EEF2KMT: variants seen among roughly 807,000 people sequenced by gnomAD.
EEF2KMT encodes the protein eukaryotic elongation factor 2 lysine methyltransferase.
Under a neutral mutation model 35.1 loss-of-function variants are expected in EEF2KMT, and 30 were observed. That is an observed-to-expected ratio of 0.85 (90% CI 0.64 to 1.16). EEF2KMT has a LOEUF of 1.16. Among genes scored for constraint, EEF2KMT ranks in the 50% most tolerant of loss-of-function variants. The pLI is 0.00. For missense variants in EEF2KMT, 499 were observed against 438.2 expected (o/e 1.14, Z -1.24); for synonymous variants, 190 against 187.7 (o/e 1.01, Z -0.10).
At position 5,093,511 on chromosome 16, in the gene EEF2KMT, C is replaced by T. The variant is rs746876434; in HGVS notation, c.213G>A (p.Arg71=). The T allele has an allele frequency of 1.2e-6, 2 of 1,612,024 alleles. No individual in the cohort carries two copies. Among genetic ancestry groups the T allele is most frequent in the South Asian group, 2.2e-5 (2 of 90,994 alleles). ...TTTTGATGAGTTCTGAGAGAAAGCACCGGGCATATTTGACGGACGGCGGGT... is the reference window on the plus strand; with the variant it reads ...TTTTGATGAGTTCTGAGAGAAAGCATCGGGCATATTTGACGGACGGCGGGT... ...VKHPPSVKYA[R]CFLSELIKKH... is the part of the protein sequence containing the mutation. Residue 71 remains arginine (R), a synonymous_variant, in exon 3 of 8, where the codon CGG becomes CGA. Transcript: ENST00000427587.
chr16:5,087,900 G>C (rs945390836), intron 7 of EEF2KMT, among the ~76,000 whole-genome samples: 1 of 145,546 alleles, frequency 6.9e-6, no homozygotes, highest in Non-Finnish European at 1.5e-5. Flanking sequence ...TTTTTTTCAC[G>C]TAAGTATCTG....
rs765196589 is a variant in EEF2KMT at position 5,090,536 on chromosome 16, C to G, written c.372G>C (p.Glu124Asp). ...LPSGGSVTLS[E>D]STAIISYGTT... is the part of the protein sequence containing the mutation. ...TACCGTAGGAGATGATGGCCGTGCT[C>G]TCGGAGAGTGTGACCGAGCCTCCCG... is the stretch of plus-strand genomic sequence containing the variant. Residue 124 changes from glutamate (E) to aspartate (D), a missense_variant, in exon 5 of 8, where the codon GAG (glutamate) becomes GAC (aspartate). Transcript: ENST00000427587. The surrounding 1 kb of genome is among the most constrained non-coding windows in gnomAD (Gnocchi z 4.1). 11 of 1,611,912 alleles carry G rather than the reference C, an allele frequency of 6.8e-6. No homozygotes were observed. The highest frequency in any genetic ancestry group is 4.0e-5 in the African/African-American group (3 of 74,848).
chr16:5,097,583 T>TC (rs1957501030), intron 1 of EEF2KMT, 61 bp downstream of exon 1: 2 of 1,527,360 alleles, frequency 1.3e-6, no homozygotes, highest in Admixed American at 3.9e-5. Flanking sequence ...CGGAGACCCG[T>TC]CCCGTCTGCC....
intron 2 of EEF2KMT, among the ~76,000 whole-genome samples, chr16:5,094,279 C>G (rs1242799238): frequency 6.6e-6 from 1 of 152,136 alleles, no homozygotes; most frequent in Non-Finnish European, 1.5e-5. Flanking sequence ...TTCATTTATT[C>G]TGACACAGAG....
In EEF2KMT at chr16:5,095,557, A is replaced by G. The variant is rs149678667; in HGVS notation, c.97-43T>C. 1.0e-3 allele frequency: 1,660 copies of G among 1,609,996 alleles called. 59 individuals are homozygous for G. In the East Asian group the frequency reaches 0.025, roughly 25 times the overall value. On this transcript the variant is annotated intron_variant, in intron 1 of 7. Transcript: ENST00000427587. ...AGAGAAATCTCAAGGGCGCATTCAC[A>G]GGAACATTAAACACGCAATAGAATG...
At chr16:5,091,717 C>T in intron 4 of EEF2KMT, 77 bp downstream of exon 4, 1 of 1,589,732 alleles carries the variant, frequency 6.3e-7, no homozygotes, top group East Asian at 2.3e-5. Context: ...GGATTTGAAC[C>T]CACACCCACG....
intron 6 of EEF2KMT, 86 bp downstream of exon 6, chr16:5,089,998 G>A (rs1957306112): frequency 1.3e-5 from 21 of 1,572,880 alleles, no homozygotes; most frequent in South Asian, 4.5e-5. Context: ...GCCCGACAGC[G>A]TCCATTGTTC....
intron 1 of EEF2KMT, 178 bp downstream of exon 1, chr16:5,097,466 G>A: frequency 1.4e-6 from 2 of 1,411,120 alleles, no homozygotes; most frequent in Non-Finnish European, 1.9e-6. Flanking sequence ...GGGGCAGGAG[G>A]GGTGCGAGCG....
chr16:5,095,971 C>A (rs893988955), intron 1 of EEF2KMT, among the ~76,000 whole-genome samples: 3 of 152,150 alleles, frequency 2.0e-5, no homozygotes, highest in Admixed American at 6.5e-5. Flanking sequence ...CAGGGCAAGG[C>A]ACTTCATTGC....
intron 7 of EEF2KMT, chr16:5,087,479 T>G (rs896598192): frequency 1.3e-5 from 2 of 152,132 alleles, no homozygotes; most frequent in African/African-American, 4.8e-5. Flanking sequence ...CTCATAACCA[T>G]GTGTGGGTGA....
chr16:5,095,167 A>G (rs1054236327), intron 2 of EEF2KMT, among the ~76,000 whole-genome samples: 5 of 152,236 alleles, frequency 3.3e-5, no homozygotes, highest in Non-Finnish European at 7.3e-5. Context: ...TGCACCTGTC[A>G]TCTCTGTTTT....
In EEF2KMT at chr16:5,097,717, C is replaced by T; in HGVS notation, c.23G>A (p.Gly8Glu). 1 of 1,572,284 alleles carries T rather than the reference C, an allele frequency of 6.4e-7. No homozygotes were observed. The highest frequency in any genetic ancestry group is 8.6e-7 in the Non-Finnish European group (1 of 1,164,230). ...GAAACTCTGCAGCAAGAGTTCGGTC[C>T]CCGCGTTCTCCTCGGGCGCCATGAC... MAPEENAGTELLLQSFER... is the reference protein window; with the variant it reads MAPEENAETELLLQSFER... Residue 8 changes from glycine to glutamate, a missense_variant, in exon 1 of 8, where the codon GGG becomes GAG. Gly to Glu is a moderately conservative substitution (Grantham distance 98, BLOSUM62 -2). Coordinates refer to ENST00000427587, the MANE Select transcript of EEF2KMT (RefSeq NM_201400.4).
intron 2 of EEF2KMT, among the ~76,000 whole-genome samples, chr16:5,095,146 A>G (rs945615831): frequency 2.6e-5 from 4 of 152,244 alleles, no homozygotes; most frequent in African/African-American, 7.2e-5. Flanking sequence ...ACCAAATGCT[A>G]GAAGCTGTTT....
At chr16:5,087,569 C>T (rs918977942) in intron 7 of EEF2KMT, among the ~76,000 whole-genome samples, 4 of 152,088 alleles carry the variant, frequency 2.6e-5, no homozygotes, top group Admixed American at 6.6e-5. Flanking sequence ...GAGGCTGAGG[C>T]GGCAGATCAC....
chr16:5,092,183 T>A (rs1241033183), intron 3 of EEF2KMT, among the ~76,000 whole-genome samples: 1 of 151,668 alleles, frequency 6.6e-6, no homozygotes, highest in African/African-American at 2.4e-5. Context: ...GAAACCTGGA[T>A]GGGAGGGCCT....
chr16:5,086,341 A>C (rs1256434362), intron 7 of EEF2KMT, among the ~76,000 whole-genome samples: 2 of 151,102 alleles, frequency 1.3e-5, no homozygotes, highest in African/African-American at 4.9e-5. Flanking sequence ...TCTCAAAAAA[A>C]AAAAAAAAAA....
chr16:5,086,533 C>T (rs940773673), intron 7 of EEF2KMT: 1 of 151,976 alleles, frequency 6.6e-6, no homozygotes, highest in Admixed American at 6.6e-5. Context: ...ACTACAGCCT[C>T]GACTCCTGGG....
At chr16:5,086,914 C>T (rs1350711502) in intron 7 of EEF2KMT, 3 of 152,180 alleles carry the variant, frequency 2.0e-5, no homozygotes, top group Non-Finnish European at 4.4e-5. Flanking sequence ...ATCTGCTCAC[C>T]TCAGCCTCCC....
intron 3 of EEF2KMT, among the ~76,000 whole-genome samples, chr16:5,092,826 G>A (rs538615922): frequency 1.3e-5 from 2 of 152,302 alleles, no homozygotes; most frequent in South Asian, 2.1e-4. Context: ...GCCAGGCATG[G>A]TGGCGTGTGC....
Sources: gnomAD v4.1 joint callset for allele counts (sites outside exome capture counted in the v4.1 genomes callset) on GRCh38, gnomAD v4.1.1 for gene constraint, Gnocchi (gnomAD v3.1) non-coding constraint, MANE v1.5 for transcripts, NCBI Gene and HGNC (gene_info 2026-07-23, HGNC 2026-07-21) for gene names.